Variants in CHL1 observed in about 807,000 individuals in gnomAD.
CHL1 encodes the protein cell adhesion molecule L1 like, also known as neural cell adhesion molecule L1-like protein.
A neutral mutation model predicts 141.9 loss-of-function variants in CHL1; 96 were observed. The observed-to-expected ratio is 0.68, with a 90% confidence interval of 0.57 to 0.80. CHL1 has a LOEUF of 0.80. Ranked by LOEUF, CHL1 falls within the 30% of genes least tolerant of loss-of-function variation. The pLI, the probability that CHL1 is intolerant of heterozygous loss-of-function variation, is 0.00. For synonymous variants in CHL1, 613 were observed against 502.2 expected (o/e 1.22, Z -2.95); for missense variants, 1,820 against 1,457.2 (o/e 1.25, Z -4.05).
intron 2 of CHL1, among the ~76,000 whole-genome samples, chr3:305,954 C>CACAA (rs1317257005): frequency 6.6e-6 from 1 of 152,074 alleles, no homozygotes; most frequent in Non-Finnish European, 1.5e-5. Context: ...ACACATAAGA[C>CACAA]TATTAAACAT....
intron 16 of CHL1, among the ~76,000 whole-genome samples, chr3:379,226 A>T (rs1048419077): frequency 1.3e-5 from 2 of 152,136 alleles, no homozygotes; most frequent in East Asian, 3.9e-4. Context: ...GGATCCCTTC[A>T]AGTAAAGCAA....
In CHL1 at chr3:358,460, C is replaced by T. The variant is rs1049317443; in HGVS notation, c.1166-1824C>T. ...TTAATCTTAATCACATCTGCAAGTC[C>T]CTTTTTTCCATGTAAAGTAACAAAG... On this transcript the variant is annotated intron_variant, in intron 11 of 27. Coordinates refer to ENST00000256509, the MANE Select transcript of CHL1 (RefSeq NM_006614.4). 3.2e-4 allele frequency among the ~76,000 whole-genome samples: 49 copies of T among 152,124 alleles called. 1 individual carries two copies. The highest frequency in any genetic ancestry group is 3.1e-3 in the Admixed American group (47 of 15,258).
intron 1 of CHL1, among the ~76,000 whole-genome samples, chr3:203,630 G>A (rs559689746): frequency 1.5e-4 from 23 of 152,360 alleles, no homozygotes; most frequent in African/African-American, 5.5e-4. Flanking sequence ...ATAATGGGAA[G>A]GTGAAGTTCC....
At chr3:259,069 C>T (rs1208110622) in intron 2 of CHL1, among the ~76,000 whole-genome samples, 8 of 151,188 alleles carry the variant, frequency 5.3e-5, no homozygotes, top group Non-Finnish European at 1.0e-4. Flanking sequence ...GGGTAACTGG[C>T]ATTACAGGCA....
At chr3:257,217 A>G (rs1179582348) in intron 2 of CHL1, among the ~76,000 whole-genome samples, 1 of 152,194 alleles carries the variant, frequency 6.6e-6, no homozygotes, top group East Asian at 1.9e-4. Flanking sequence ...ATAAACTTAC[A>G]TAAAGCATTT....
chr3:298,415 C>A (rs1319729788), intron 2 of CHL1, among the ~76,000 whole-genome samples: 1 of 133,708 alleles, frequency 7.5e-6, no homozygotes, highest in Non-Finnish European at 1.7e-5. Flanking sequence ...TGCACTGGAC[C>A]CACAGGAAAT....
At chr3:324,875 G>C (rs912750102) in intron 3 of CHL1, among the ~76,000 whole-genome samples, 4 of 151,898 alleles carry the variant, frequency 2.6e-5, no homozygotes, top group South Asian at 4.2e-4. Flanking sequence ...CAGGTGTGAG[G>C]CACCAAGTGT....
chr3:311,651 TG>T (rs781372907), intron 2 of CHL1, among the ~76,000 whole-genome samples: 1 of 152,200 alleles, frequency 6.6e-6, no homozygotes, highest in Non-Finnish European at 1.5e-5. Flanking sequence ...TCTTATGAGC[TG>T]GCCATGTGGG....
chr3:311,364 C>CTT (rs34996009), intron 2 of CHL1, among the ~76,000 whole-genome samples: 18 of 139,496 alleles, frequency 1.3e-4, no homozygotes, highest in Admixed American at 4.3e-4. Flanking sequence ...GACCACACAA[C>CTT]TTTTTTTTTT....
At chr3:263,767 C>T (rs917517436) in intron 2 of CHL1, among the ~76,000 whole-genome samples, 3 of 152,222 alleles carry the variant, frequency 2.0e-5, no homozygotes, top group African/African-American at 7.2e-5. Context: ...AGAGAACATT[C>T]ACCACATCTA....
intron 3 of CHL1, among the ~76,000 whole-genome samples, chr3:322,494 G>A (rs1164803575): frequency 3.3e-5 from 5 of 150,698 alleles, no homozygotes; most frequent in Admixed American, 6.6e-5. Flanking sequence ...TCACTGCGTT[G>A]TCATTTGCTC....
chr3:289,931 C>CTTTTTTTTTT lies in CHL1; in HGVS notation c.-94-29740_-94-29731dup, dbSNP rs769872997. 2.9e-5 allele frequency among the ~76,000 whole-genome samples: 3 copies of CTTTTTTTTTT among 102,780 alleles called. 1 individual carries two copies. Among genetic ancestry groups the CTTTTTTTTTT allele is most frequent in the East Asian group, 3.0e-4 (1 of 3,376 alleles). The allele number at this position is 102,780 out of a possible 152,430, so 67.4% of individuals were successfully genotyped here. A position where few individuals can be genotyped will look rare whatever the true frequency, so the allele number is the denominator to read the frequency against. On this transcript the variant is annotated intron_variant, in intron 2 of 27. Coordinates refer to ENST00000256509, the MANE Select transcript of CHL1 (RefSeq NM_006614.4). Reference sequence around the variant, plus strand: ...CATAGATACATTGCTCCACTGGTATCTTTTTTTTTTTTTTTTTTTTTGAGA... The same window carrying CTTTTTTTTTT: ...CATAGATACATTGCTCCACTGGTATCTTTTTTTTTTTTTTTTTTTTTTTTTTTTTTTGAGA...
chr3:364,539 C>T (rs559990685), intron 14 of CHL1, among the ~76,000 whole-genome samples: 1 of 152,158 alleles, frequency 6.6e-6, no homozygotes, highest in East Asian at 1.9e-4. Flanking sequence ...TGCTAGTGGC[C>T]AGAGAGATGG....
chr3:373,136 G>T (rs1010704392), intron 15 of CHL1, among the ~76,000 whole-genome samples: 1 of 152,208 alleles, frequency 6.6e-6, no homozygotes, highest in Non-Finnish European at 1.5e-5. Context: ...CTTGGTGGAG[G>T]GGATGTGCTT....
chr3:358,848 A>T (rs1703950072), intron 11 of CHL1, among the ~76,000 whole-genome samples: 1 of 151,780 alleles, frequency 6.6e-6, no homozygotes, highest in Non-Finnish European at 1.5e-5. Flanking sequence ...AGAAAAGTAG[A>T]ATTCGATTGA....
chr3:369,765 G>T (rs1025735085), intron 15 of CHL1, among the ~76,000 whole-genome samples: 1 of 152,086 alleles, frequency 6.6e-6, no homozygotes, highest in African/African-American at 2.4e-5. Flanking sequence ...ATTTTGAGAT[G>T]TGTTCCATCA....
At chr3:226,696 C>T (rs1487077973) in intron 1 of CHL1, among the ~76,000 whole-genome samples, 1 of 152,186 alleles carries the variant, frequency 6.6e-6, no homozygotes, top group African/African-American at 2.4e-5. Flanking sequence ...ATCCACCTGC[C>T]TTGACCTCCC....
intron 1 of CHL1, among the ~76,000 whole-genome samples, chr3:239,762 C>T (rs547523485): frequency 6.6e-6 from 1 of 152,074 alleles, no homozygotes; most frequent in Non-Finnish European, 1.5e-5. Flanking sequence ...CCACTCCCAC[C>T]CTTTCCCCCA....
At chr3:335,249 G>T (rs1279408528) in intron 5 of CHL1, among the ~76,000 whole-genome samples, 1 of 152,160 alleles carries the variant, frequency 6.6e-6, no homozygotes, top group East Asian at 1.9e-4. Context: ...AATTAAGGGT[G>T]CAACTTTGAA....
Sources: allele counts gnomAD v4.1 joint callset (sites outside exome capture counted in the v4.1 genomes callset), GRCh38; gene constraint gnomAD v4.1.1; transcripts MANE v1.5; gene names NCBI Gene and HGNC (gene_info 2026-07-23, HGNC 2026-07-21).